The following RGL1 variants were observed in gnomAD, a reference collection of about 807,000 sequenced individuals.
RGL1 encodes ral guanine nucleotide dissociation stimulator like 1, also known as ral guanine nucleotide dissociation stimulator-like 1.
Under a neutral mutation model 95.2 loss-of-function variants are expected in RGL1, and 24 were observed. The ratio of observed to expected loss-of-function variants is 0.25; its 90% CI spans 0.18 to 0.35. The LOEUF is 0.35. Among genes scored for constraint, RGL1 ranks in the 10% least tolerant of loss-of-function variants. The pLI, the probability that RGL1 is intolerant of heterozygous loss-of-function variation, is 1.00. For missense variants in RGL1, 715 were observed against 936.3 expected (o/e 0.76, Z 3.08); for synonymous variants, 329 against 344.9 (o/e 0.95, Z 0.51).
At chr1:183,860,981 G>A (rs1311991865) in intron 3 of RGL1, among the ~76,000 whole-genome samples, 1 of 152,112 alleles carries the variant, frequency 6.6e-6, no homozygotes, top group Admixed American at 6.5e-5. Flanking sequence ...GTTGCTGAAC[G>A]CTGACTGTCA....
intron 1 of RGL1, among the ~76,000 whole-genome samples, chr1:183,686,396 A>C (rs1653587803): frequency 6.6e-6 from 1 of 150,730 alleles, no homozygotes; most frequent in Non-Finnish European, 1.5e-5. Flanking sequence ...CATTTCCCTC[A>C]GTGGCACTTT....
chr1:183,805,198 A>ACCGGGG lies in RGL1; in HGVS notation c.-98_-93dup. 6.6e-7 allele frequency: 1 copy of ACCGGGG among 1,524,744 alleles called. No homozygotes were observed. The highest frequency in any genetic ancestry group is 1.2e-5 in the South Asian group (1 of 81,532). The allele number at this position is 1,524,744 out of a possible 1,614,324, so 94.5% of individuals were successfully genotyped here. A position where few individuals can be genotyped will look rare whatever the true frequency, so the allele number is the denominator to read the frequency against. On this transcript the variant is annotated 5_prime_UTR_variant, in exon 1 of 18. Transcript: ENST00000360851. ...TGCGCTGCGGTCGCTCGGGACCGGG[A>ACCGGGG]CCGGGGCGAGGCGCCGCGGGGCTGA... is the stretch of plus-strand genomic sequence containing the variant.
At chr1:183,685,423 CTT>C (rs1361285328) in intron 1 of RGL1, among the ~76,000 whole-genome samples, 2 of 152,168 alleles carry the variant, frequency 1.3e-5, no homozygotes, top group Non-Finnish European at 2.9e-5. Flanking sequence ...CATTTTAAGA[CTT>C]TGGGTTTATA....
chr1:183,897,717 A>G (rs779139448), intron 9 of RGL1, 91 bp from the exon 10 acceptor site: 21 of 885,288 alleles, frequency 2.4e-5, no homozygotes, highest in Non-Finnish European at 3.7e-5. Flanking sequence ...AGAGTTATGC[A>G]GGGTTGTGTG....
intron 2 of RGL1, among the ~76,000 whole-genome samples, chr1:183,742,703 A>G (rs1465397798): frequency 6.6e-6 from 1 of 151,802 alleles, no homozygotes; most frequent in African/African-American, 2.4e-5. Context: ...TTGTGTGCAT[A>G]TTTGTGGGGG....
chr1:183,924,064 A>T (rs1669470658), intron 17 of RGL1, among the ~76,000 whole-genome samples: 1 of 152,092 alleles, frequency 6.6e-6, no homozygotes, highest in South Asian at 2.1e-4. Context: ...TGTGGCGATT[A>T]CTCAAGGATC....
At position 183,897,909 on chromosome 1, in the gene RGL1, C is replaced by T. The variant is rs1346892172; in HGVS notation, c.1230+12C>T. The T allele has an allele frequency of 1.2e-6, 2 of 1,608,694 alleles. No homozygotes were observed. Among genetic ancestry groups the T allele is most frequent in the African/African-American group, 1.3e-5 (1 of 74,948 alleles). ...TCCAGAAGGACATGGTATGTCTGGC[C>T]CTCGTCTTCCCTGACAGCTCACAGA... On this transcript the variant is annotated intron_variant, in intron 10 of 17. Transcript: ENST00000360851.
intron 1 of RGL1, among the ~76,000 whole-genome samples, chr1:183,656,455 T>A (rs1364678560): frequency 1.3e-5 from 2 of 152,262 alleles, no homozygotes; most frequent in Non-Finnish European, 1.5e-5. Context: ...GTAAATAGAC[T>A]GTAACCTACT....
chr1:183,809,868 G>A (rs1221751548), intron 2 of RGL1, among the ~76,000 whole-genome samples: 10 of 152,112 alleles, frequency 6.6e-5, no homozygotes, highest in African/African-American at 2.4e-4. Flanking sequence ...GAGGTGGGAG[G>A]ATCGCGTGAG....
chr1:183,681,757 C>T (rs549826064), intron 1 of RGL1, among the ~76,000 whole-genome samples: 2 of 152,260 alleles, frequency 1.3e-5, no homozygotes, highest in East Asian at 3.9e-4. Context: ...ATGATACCAC[C>T]TCCTCTATGA....
rs372098568 is a variant in RGL1 at position 183,714,320 on chromosome 1, G to A, written c.-32-27806G>A. On this transcript the variant is annotated intron_variant, in intron 1 of 18. Transcript: ENST00000304685. Reference sequence around the variant, plus strand: ...TTCAGCTTTCTGATGACCATGTACAGTTTTTGCAAGGTGGTCTATCTTGTC... The same window carrying A: ...TTCAGCTTTCTGATGACCATGTACAATTTTTGCAAGGTGGTCTATCTTGTC... Among the ~76,000 whole-genome samples, 5 of 152,294 alleles carry A rather than the reference G, an allele frequency of 3.3e-5. No individual in the cohort carries two copies. The South Asian group carries it at 8.3e-4, about 25-fold the overall frequency.
At chr1:183,921,274 A>G (rs1669296311) in intron 16 of RGL1, among the ~76,000 whole-genome samples, 1 of 152,212 alleles carries the variant, frequency 6.6e-6, no homozygotes, top group African/African-American at 2.4e-5. Flanking sequence ...GTAGTTACAT[A>G]TGCAGATCTT....
chr1:183,831,485 G>T (rs1663253948), intron 2 of RGL1, among the ~76,000 whole-genome samples: 1 of 152,154 alleles, frequency 6.6e-6, no homozygotes, highest in South Asian at 2.1e-4. Flanking sequence ...GTTTTAAGTA[G>T]GGAGTGACAC....
intron 1 of RGL1, among the ~76,000 whole-genome samples, chr1:183,678,604 A>T (rs1048003789): frequency 8.8e-5 from 13 of 147,712 alleles, no homozygotes; most frequent in Non-Finnish European, 1.8e-4. Flanking sequence ...TGACACCAAG[A>T]TTTTTTTTTT....
At chr1:183,880,513 C>T in intron 4 of RGL1, 103 bp from the exon 5 acceptor site, 2 of 927,016 alleles carry the variant, frequency 2.2e-6, no homozygotes, top group Non-Finnish European at 3.3e-6. Context: ...GACCACCCAC[C>T]CAAGTTTCCA....
At chr1:183,662,665 C>T (rs983531539) in intron 1 of RGL1, among the ~76,000 whole-genome samples, 2 of 152,242 alleles carry the variant, frequency 1.3e-5, no homozygotes, top group African/African-American at 4.8e-5. Flanking sequence ...CAATGCCATC[C>T]CCATCAAGCT....
intron 2 of RGL1, among the ~76,000 whole-genome samples, chr1:183,793,498 A>C (rs2102383596): frequency 6.6e-6 from 1 of 152,314 alleles, no homozygotes; most frequent in South Asian, 2.1e-4. Context: ...GTAGAATATG[A>C]GAAAGTATTT....
At chr1:183,909,377 C>T (rs7524927) in intron 14 of RGL1, among the ~76,000 whole-genome samples, 45,943 of 151,984 alleles carry the variant, frequency 0.3, 7,170 homozygotes, top group East Asian at 0.49. Context: ...ACCTTCACAA[C>T]GCAGGACAAA....
At chr1:183,884,408 AT>A (rs539152609) in intron 6 of RGL1, among the ~76,000 whole-genome samples, 107 of 152,308 alleles carry the variant, frequency 7.0e-4, no homozygotes, top group African/African-American at 2.5e-3. Context: ...TGTCAGTCAG[AT>A]TTCATAGGTC....
Sources: gnomAD v4.1 joint callset for allele counts (sites outside exome capture counted in the v4.1 genomes callset) on GRCh38, gnomAD v4.1.1 for gene constraint, MANE v1.5 for transcripts, NCBI Gene and HGNC (gene_info 2026-07-23, HGNC 2026-07-21) for gene names.